Variants in RFTN2 observed in about 807,000 individuals in gnomAD.
The protein encoded by RFTN2 is raftlin family member 2, also known as raftlin-2.
Under a neutral mutation model 52.7 loss-of-function variants are expected in RFTN2, and 34 were observed. That is an observed-to-expected ratio of 0.64 (90% CI 0.49 to 0.86). The LOEUF (loss-of-function observed/expected upper bound fraction) is 0.86, where lower values mean the gene tolerates loss of function less well. Among genes scored for constraint, RFTN2 ranks in the 40% least tolerant of loss-of-function variants. The pLI, the probability that RFTN2 is intolerant of heterozygous loss-of-function variation, is 0.00. For missense variants in RFTN2, 536 were observed against 600.1 expected, an observed-to-expected ratio of 0.89 and a Z score of 1.12; for synonymous variants, 203 against 217.7, an observed-to-expected ratio of 0.93 and a Z score of 0.59.
chr2:197,577,823 A>G (rs578218357), intron 8 of RFTN2, among the ~76,000 whole-genome samples: 1 of 152,266 alleles, frequency 6.6e-6, no homozygotes, highest in Non-Finnish European at 1.5e-5. Context: ...GGCTCAAGCA[A>G]TTCTCCTGCC....
intron 8 of RFTN2, among the ~76,000 whole-genome samples, chr2:197,592,071 G>A (rs1264339077): frequency 3.3e-5 from 5 of 152,224 alleles, no homozygotes; most frequent in South Asian, 4.1e-4. Context: ...CTGAGGAGGC[G>A]CGGAGAGTGA....
At chr2:197,627,269 C>T (rs1186588131) in intron 5 of RFTN2, among the ~76,000 whole-genome samples, 1 of 152,216 alleles carries the variant, frequency 6.6e-6, no homozygotes, top group Non-Finnish European at 1.5e-5. Context: ...TTGCTGCCTT[C>T]TCAGAGGGGA....
Position 197,631,145 on chromosome 2 carries a change from A to ATGCC in RFTN2, c.790_793dup (p.Ile265ArgfsTer15), listed in dbSNP as rs759683640. On this transcript the variant is annotated frameshift_variant, in exon 5 of 9. Transcript: ENST00000295049. LOFTEE classifies it high-confidence loss of function. Reference sequence around the variant, plus strand: ...TTTTCTTGTTACTTTCATTGACAGGATGCCTTCCTGATAGGCCCAGGAGGT... The same window carrying ATGCC: ...TTTTCTTGTTACTTTCATTGACAGGATGCCTGCCTTCCTGATAGGCCCAGGAGGT... 5 of 1,613,516 alleles carry ATGCC rather than the reference A, an allele frequency of 3.1e-6. No homozygotes were observed. The highest frequency in any genetic ancestry group is 4.2e-6 in the Non-Finnish European group (5 of 1,179,686).
At chr2:197,615,348 G>A (rs6719729) in intron 7 of RFTN2, among the ~76,000 whole-genome samples, 101,203 of 152,128 alleles carry the variant, frequency 0.67, 33,928 homozygotes, top group Middle Eastern at 0.85. Context: ...ACATCTCTGG[G>A]TCCCAGGAAT....
intron 3 of RFTN2, among the ~76,000 whole-genome samples, chr2:197,643,564 G>A (rs1487576754): frequency 6.6e-6 from 1 of 152,022 alleles, no homozygotes; most frequent in East Asian, 1.9e-4. Context: ...GCTGTCCATT[G>A]TCTCTCTCTG....
chr2:197,601,584 T>C (rs1469055717), intron 7 of RFTN2, among the ~76,000 whole-genome samples: 1 of 152,026 alleles, frequency 6.6e-6, no homozygotes, highest in Non-Finnish European at 1.5e-5. Context: ...GTAGAGTGAC[T>C]ACATTTGCTT....
At chr2:197,589,071 A>G (rs1042035262) in intron 8 of RFTN2, among the ~76,000 whole-genome samples, 1 of 151,856 alleles carries the variant, frequency 6.6e-6, no homozygotes, top group African/African-American at 2.4e-5. Context: ...AAATACAAAA[A>G]TTAGCCAGGT....
In RFTN2 at chr2:197,572,010, A is replaced by C; in HGVS notation, c.1504T>G (p.Ter502GlyextTer4). Residue 502 changes from the stop codon to glycine, a stop_lost, in exon 9 of 9, where the codon TGA becomes GGA. Coordinates refer to ENST00000295049, the MANE Select transcript of RFTN2 (RefSeq NM_144629.3). ...EDGVTQVTCM[*>G] ...CTTCCTTTGCTTCACCTCATGGCTC[A>C]CATACAAGTGACCTGAGTCACTCCA... 1 of 1,613,648 alleles carries C rather than the reference A, an allele frequency of 6.2e-7. No individual in the cohort carries two copies. The highest frequency in any genetic ancestry group is 1.3e-5 in the African/African-American group (1 of 75,054).
intron 6 of RFTN2, among the ~76,000 whole-genome samples, chr2:197,616,725 G>A (rs2088151797): frequency 6.6e-6 from 1 of 152,182 alleles, no homozygotes; most frequent in South Asian, 2.1e-4. Flanking sequence ...TATTGAAGAT[G>A]AGAGGCGCTT....
intron 1 of RFTN2, among the ~76,000 whole-genome samples, chr2:197,672,209 G>C (rs1226642632): frequency 6.6e-6 from 1 of 151,926 alleles, no homozygotes; most frequent in African/African-American, 2.4e-5. Flanking sequence ...AGAAAAATTC[G>C]GCCTACCTAG....
intron 5 of RFTN2, among the ~76,000 whole-genome samples, chr2:197,629,622 G>C (rs186484510): frequency 5.6e-4 from 84 of 151,234 alleles, no homozygotes; most frequent in African/African-American, 1.9e-3. Flanking sequence ...AAAAGACCAA[G>C]TGGAAGAGGC....
intron 7 of RFTN2, among the ~76,000 whole-genome samples, chr2:197,603,649 C>G (rs2087914154): frequency 6.6e-6 from 1 of 152,090 alleles, no homozygotes; most frequent in African/African-American, 2.4e-5. Flanking sequence ...GGTGTGGTGG[C>G]TCACGCCTGT....
chr2:197,616,957 T>C (rs1049614017), intron 6 of RFTN2, among the ~76,000 whole-genome samples: 5 of 152,294 alleles, frequency 3.3e-5, no homozygotes, highest in Admixed American at 3.3e-4. Context: ...TATACCTGAA[T>C]TCAGTGTGTA....
intron 5 of RFTN2, among the ~76,000 whole-genome samples, chr2:197,620,618 A>T (rs2088247788): frequency 6.6e-6 from 1 of 152,224 alleles, no homozygotes; most frequent in African/African-American, 2.4e-5. Context: ...TTTTGACATA[A>T]TTCATGGTTA....
chr2:197,587,400 T>G (rs1455623313), intron 8 of RFTN2, among the ~76,000 whole-genome samples: 3 of 152,270 alleles, frequency 2.0e-5, no homozygotes, highest in Non-Finnish European at 1.5e-5. Flanking sequence ...TACATCCAGA[T>G]GGCCTGAAGT....
In RFTN2 at chr2:197,571,037, C is replaced by G. The variant is rs2087309147; in HGVS notation, c.*971G>C. 6.6e-6 allele frequency: 1 copy of G among 152,202 alleles called. No individual in the cohort carries two copies. Among genetic ancestry groups the G allele is most frequent in the Non-Finnish European group, 1.5e-5 (1 of 67,990 alleles). The allele number at this position is 152,202 out of a possible 1,614,324, so 9.4% of individuals were successfully genotyped here. On this transcript the variant is annotated 3_prime_UTR_variant, in exon 9 of 9. Transcript: ENST00000295049. Reference sequence around the variant, plus strand: ...CCTCTATTAGAAGGGGAAAGAAAAGCAAGATGAAACAAAATATGTTATCAT... The same window carrying G: ...CCTCTATTAGAAGGGGAAAGAAAAGGAAGATGAAACAAAATATGTTATCAT...
intron 1 of RFTN2, among the ~76,000 whole-genome samples, chr2:197,674,267 G>C (rs2089184373): frequency 7.6e-6 from 1 of 131,490 alleles, no homozygotes; most frequent in Admixed American, 9.3e-5. Flanking sequence ...TTGCTGGCCA[G>C]CTTAATTTTT....
Position 197,633,731 on chromosome 2 carries a change from T to C in RFTN2, c.705A>G (p.Ser235=), listed in dbSNP as rs773955861. The part of the protein sequence containing the change: ...EQNGSPTSSK[S]RKGEASDNKL... ...CTTGTCTATTACCTTCTCCCTTTCT[T>C]GATTTAGAGGAAGTAGGGCTGCCAT... is the stretch of plus-strand genomic sequence containing the variant. The change falls in exon 4 of 9, where the codon TCA becomes TCG. Residue 235 remains serine, a synonymous_variant. Coordinates refer to ENST00000295049, the MANE Select transcript of RFTN2 (RefSeq NM_144629.3). 6.2e-6 allele frequency: 10 copies of C among 1,613,124 alleles called. No homozygotes were observed. The highest frequency in any genetic ancestry group is 8.5e-6 in the Non-Finnish European group (10 of 1,179,288).
intron 1 of RFTN2, among the ~76,000 whole-genome samples, chr2:197,662,462 G>A (rs981038981): frequency 6.6e-6 from 1 of 152,116 alleles, no homozygotes; most frequent in Admixed American, 6.6e-5. Flanking sequence ...TCTGTATTCT[G>A]TTCCATTGGT....
Sources: allele counts gnomAD v4.1 joint callset (sites outside exome capture counted in the v4.1 genomes callset), GRCh38; gene constraint gnomAD v4.1.1; transcripts MANE v1.5; gene names NCBI Gene and HGNC (gene_info 2026-07-23, HGNC 2026-07-21).